The following COA1 variants were observed in gnomAD, a reference collection of about 807,000 sequenced individuals.
The protein encoded by COA1 is cytochrome c oxidase assembly factor 1 homolog.
A neutral mutation model predicts 16.0 loss-of-function variants in COA1; 13 were observed. The ratio of observed to expected loss-of-function variants is 0.81; its 90% confidence interval spans 0.53 to 1.29. The LOEUF is 1.29. Among genes scored for constraint, COA1 ranks in the 50% most tolerant of loss-of-function variants. COA1 has a pLI of 0.00. For synonymous variants in COA1, 65 were observed against 65.7 expected (o/e 0.99, Z 0.05); for missense variants, 179 against 177.0 (o/e 1.01, Z -0.06).
chr7:43,698,607 A>G (rs1563408903), intron 1 of COA1, among the ~76,000 whole-genome samples: 2 of 152,228 alleles, frequency 1.3e-5, no homozygotes, highest in Non-Finnish European at 2.9e-5. Flanking sequence ...TTGATGCAGT[A>G]GGCTGCCATG....
intron 6 of COA1, among the ~76,000 whole-genome samples, chr7:43,610,858 T>C (rs1422536919): frequency 6.6e-6 from 1 of 152,302 alleles, no homozygotes; most frequent in Non-Finnish European, 1.5e-5. Context: ...GGCTCATGCC[T>C]GTAATCCCAG....
At chr7:43,646,304 A>G (rs2089280159) in intron 3 of COA1, 1 of 309,340 alleles carries the variant, frequency 3.2e-6, no homozygotes, top group Admixed American at 4.0e-5. Context: ...GGGTCCAGAC[A>G]GCTAATCTTT....
Position 43,645,412 on chromosome 7 carries a change from G to A in COA1, c.116-13C>T, listed in dbSNP as rs760414996. 1 of 1,613,204 alleles carries A rather than the reference G, an allele frequency of 6.2e-7. No homozygotes were observed. Among genetic ancestry groups the A allele is most frequent in the Non-Finnish European group, 8.5e-7 (1 of 1,179,300 alleles). ...CTGGAATGAAACTCTAAGGACGAAAGACACACTTATTTTCTTTATTGAACT... is the reference window on the plus strand; with the variant it reads ...CTGGAATGAAACTCTAAGGACGAAAAACACACTTATTTTCTTTATTGAACT... On this transcript the variant is annotated splice_polypyrimidine_tract_variant and intron_variant, in intron 3 of 5. Coordinates refer to ENST00000223336, the MANE Select transcript of COA1 (RefSeq NM_018224.4).
chr7:43,674,207 C>A (rs1453559741), intron 1 of COA1, among the ~76,000 whole-genome samples: 1 of 152,156 alleles, frequency 6.6e-6, no homozygotes, highest in Non-Finnish European at 1.5e-5. Flanking sequence ...TTTAAGTCTT[C>A]TTTCTCCCCC....
At chr7:43,667,460 T>C (rs2092961219) in intron 1 of COA1, among the ~76,000 whole-genome samples, 1 of 152,244 alleles carries the variant, frequency 6.6e-6, no homozygotes, top group Non-Finnish European at 1.5e-5. Flanking sequence ...AACGTCTAAG[T>C]ATATGCTATC....
chr7:43,669,340 G>C (rs939542706), intron 1 of COA1, among the ~76,000 whole-genome samples: 2 of 152,094 alleles, frequency 1.3e-5, no homozygotes, highest in African/African-American at 4.8e-5. Flanking sequence ...TCTTAGAGCC[G>C]AGTCAGCAAC....
rs115668823 is a variant in COA1, at chr7:43,726,583, T to C, written c.-39+2846A>G. On this transcript the variant is annotated intron_variant, in intron 1 of 5. Transcript: ENST00000223336. The stretch of plus-strand genomic sequence containing the variant: ...GCAAATTATAAAGTTTTTCCTTGCT[T>C]CATTTTTCAAGTCTTAAAATGCTCC... Among the ~76,000 whole-genome samples, 442 of 152,340 alleles carry C rather than the reference T, an allele frequency of 2.9e-3. 5 individuals are homozygous for C. Among genetic ancestry groups the C allele is most frequent in the African/African-American group, 9.9e-3 (413 of 41,568 alleles).
At chr7:43,714,201 A>C (rs1005122000) in intron 1 of COA1, among the ~76,000 whole-genome samples, 2 of 152,124 alleles carry the variant, frequency 1.3e-5, no homozygotes, top group Non-Finnish European at 2.9e-5. Flanking sequence ...AAAAATTAAA[A>C]ATAAAAATAA....
At chr7:43,648,491 G>C in intron 2 of COA1, 109 bp downstream of exon 2, 1 of 1,148,490 alleles carries the variant, frequency 8.7e-7, no homozygotes. Context: ...GAACCCTAAA[G>C]ACCAGGAGAA....
chr7:43,647,431 T>C (rs2089676077), intron 3 of COA1, 104 bp downstream of exon 3: 2 of 844,916 alleles, frequency 2.4e-6, no homozygotes, highest in South Asian at 2.8e-5. Context: ...CACCCTCTCC[T>C]CCTTTCTCTA....
At chr7:43,704,911 T>C (rs1166745082) in intron 1 of COA1, among the ~76,000 whole-genome samples, 1 of 152,192 alleles carries the variant, frequency 6.6e-6, no homozygotes, top group African/African-American at 2.4e-5. Context: ...CTTGCACTGG[T>C]TCTTTCTTAC....
chr7:43,617,487 C>T (rs893863999), intron 6 of COA1, among the ~76,000 whole-genome samples: 1 of 152,000 alleles, frequency 6.6e-6, no homozygotes, highest in Admixed American at 6.6e-5. Flanking sequence ...AATGGAAGAG[C>T]GGGGAGGAAA....
chr7:43,702,745 T>A (rs953980849), intron 1 of COA1, among the ~76,000 whole-genome samples: 4 of 152,180 alleles, frequency 2.6e-5, no homozygotes, highest in Non-Finnish European at 5.9e-5. Flanking sequence ...TATTTGGATT[T>A]TCTCTTTATC....
chr7:43,627,709 G>C (rs954302021), intron 6 of COA1, among the ~76,000 whole-genome samples: 1 of 152,158 alleles, frequency 6.6e-6, no homozygotes, highest in Admixed American at 6.5e-5. Context: ...TCTTAACCTC[G>C]AGAGCCTTAA....
chr7:43,702,660 C>A (rs34189710), intron 1 of COA1, among the ~76,000 whole-genome samples: 22,189 of 152,050 alleles, frequency 0.15, 2,189 homozygotes, highest in Non-Finnish European at 0.22. Context: ...TAGGGGTGTT[C>A]ATAATAGTCT....
intron 1 of COA1, among the ~76,000 whole-genome samples, chr7:43,657,603 C>A (rs2091908203): frequency 6.6e-6 from 1 of 152,030 alleles, no homozygotes; most frequent in South Asian, 2.1e-4. Flanking sequence ...ACAGACAGGT[C>A]ATTTATGGAC....
chr7:43,696,755 A>G (rs1381340666), intron 1 of COA1, among the ~76,000 whole-genome samples: 1 of 152,168 alleles, frequency 6.6e-6, no homozygotes, highest in African/African-American at 2.4e-5. Context: ...AGCAGGAAGG[A>G]AGACAGAAAA....
At chr7:43,610,888 G>T (rs1438379385) in intron 6 of COA1, among the ~76,000 whole-genome samples, 1 of 151,720 alleles carries the variant, frequency 6.6e-6, no homozygotes, top group African/African-American at 2.4e-5. Context: ...AGGTCAAGGA[G>T]GGCAGATCGC....
intron 6 of COA1, among the ~76,000 whole-genome samples, chr7:43,610,984 G>A (rs10227730): frequency 0.15 from 22,315 of 152,084 alleles, 2,181 homozygotes; most frequent in Non-Finnish European, 0.21. Context: ...GGGTGTGGTG[G>A]CAGGCACCTG....
Sources: allele counts gnomAD v4.1 joint callset (sites outside exome capture counted in the v4.1 genomes callset), GRCh38; gene constraint gnomAD v4.1.1; transcripts MANE v1.5; gene names NCBI Gene and HGNC (gene_info 2026-07-23, HGNC 2026-07-21).